Variants in LMO3 observed in about 807,000 individuals in gnomAD.
LMO3 encodes LIM domain only 3, also known as LIM domain only protein 3.
Under a neutral mutation model 15.8 loss-of-function variants are expected in LMO3, and 2 were observed. The ratio of observed to expected loss-of-function variants is 0.13; its 90% confidence interval spans 0.05 to 0.40. The LOEUF is 0.40. LMO3 is among the 10% of genes least tolerant of loss of function. The pLI is 0.99. For missense variants in LMO3, 86 were observed against 182.2 expected, an observed-to-expected ratio of 0.47 and a Z score of 3.04; for synonymous variants, 62 against 63.8, an observed-to-expected ratio of 0.97 and a Z score of 0.13.
chr12:16,553,018 G>C (rs1407407419), intron 3 of LMO3, among the ~76,000 whole-genome samples: 1 of 152,072 alleles, frequency 6.6e-6, no homozygotes, highest in Admixed American at 6.5e-5. Flanking sequence ...TTGTAGGCTT[G>C]TGGCAAGGAG....
Position 16,586,302 on chromosome 12 carries a change from G to A in LMO3, c.206+14353C>T, listed in dbSNP as rs558344476. Among the ~76,000 whole-genome samples the A allele has an allele frequency of 1.3e-5, 2 of 152,258 alleles. No homozygotes were observed. Among genetic ancestry groups the A allele is most frequent in the South Asian group, 2.1e-4 (1 of 4,824 alleles). On this transcript the variant is annotated intron_variant, in intron 2 of 3. Transcript: ENST00000537304. The surrounding 1 kb of genome is among the most constrained non-coding windows in gnomAD (Gnocchi z 4.3). The stretch of plus-strand genomic sequence containing the variant: ...ACAGAGTGTTAAGATGTCATGATAC[G>A]ATGAAGTCCACATACGGAACAACTA...
rs911367416 is a variant in LMO3, at chr12:16,585,211, T to C, written c.206+15444A>G. 2.0e-5 allele frequency among the ~76,000 whole-genome samples: 3 copies of C among 152,222 alleles called. No homozygotes were observed. The highest frequency in any genetic ancestry group is 2.0e-4 in the Admixed American group (3 of 15,278). On this transcript the variant is annotated intron_variant, in intron 2 of 3. Transcript: ENST00000537304. The surrounding 1 kb of genome is among the most constrained non-coding windows in gnomAD (Gnocchi z 4.7). ...TCCGGAACCTGGAGGCAATTGAGTT[T>C]GTAATTCCCGTCTTAGCCCTTGGCA... is the stretch of plus-strand genomic sequence containing the variant.
At chr12:16,600,945 T>A in intron 1 of LMO3, 77 bp from the exon 2 acceptor site, 1 of 1,030,966 alleles carries the variant, frequency 9.7e-7, no homozygotes, top group Non-Finnish European at 1.4e-6. Context: ...GTTAAATATT[T>A]AATATTTCCT....
chr12:16,594,407 AC>A, intron 2 of LMO3: 1 of 619,230 alleles, frequency 1.6e-6, no homozygotes, highest in Non-Finnish European at 2.5e-6. Flanking sequence ...TTATAAAAAT[AC>A]CTAGCAAATT....
intron 3 of LMO3, among the ~76,000 whole-genome samples, chr12:16,552,836 G>A (rs1942041571): frequency 6.6e-6 from 1 of 152,020 alleles, no homozygotes; most frequent in Admixed American, 6.6e-5. Context: ...TACTTTAAAT[G>A]TTGCACTTCA....
At position 16,582,684 on chromosome 12, in the gene LMO3, C is replaced by G. The variant is rs1234606534; in HGVS notation, c.206+17971G>C. ...CCTAGGAAAAATAAGTATACCACAA[C>G]AAGATCACCGTTCCTAGGTACGGTC... On this transcript the variant is annotated intron_variant, in intron 2 of 3. Transcript: ENST00000537304. The surrounding 1 kb of genome is among the most constrained non-coding windows in gnomAD (Gnocchi z 4.1). 6.6e-6 allele frequency among the ~76,000 whole-genome samples: 1 copy of G among 152,138 alleles called. No individual in the cohort carries two copies. The highest frequency in any genetic ancestry group is 6.6e-5 in the Admixed American group (1 of 15,264).
intron 2 of LMO3, among the ~76,000 whole-genome samples, chr12:16,562,205 A>T (rs1942431590): frequency 6.6e-6 from 1 of 152,162 alleles, no homozygotes; most frequent in South Asian, 2.1e-4. Flanking sequence ...GTTCATTCTA[A>T]CATTTCATAT....
chr12:16,580,091 A>G lies in LMO3; in HGVS notation c.207-19553T>C, dbSNP rs183657223. Among the ~76,000 whole-genome samples, 9 of 152,330 alleles carry G rather than the reference A, an allele frequency of 5.9e-5. No homozygotes were observed. The East Asian group carries it at 1.7e-3, about 29-fold the overall frequency. ...ATTTCCTGATATTATACAATATGAT[A>G]TCATTTATCATGTATTCTAAAACAA... On this transcript the variant is annotated intron_variant, in intron 2 of 3. Coordinates refer to ENST00000537304, the MANE Select transcript of LMO3 (RefSeq NM_018640.5).
chr12:16,576,485 T>G lies in LMO3; in HGVS notation c.207-15947A>C, dbSNP rs1311573876. ...CAAATGTCAATGGATCTATGAAGCC[T>G]CTCTGATTTCCTTGAGGCAGAATAA... On this transcript the variant is annotated intron_variant, in intron 2 of 3. Coordinates refer to ENST00000537304, the MANE Select transcript of LMO3 (RefSeq NM_018640.5). The surrounding 1 kb of genome is among the most constrained non-coding windows in gnomAD (Gnocchi z 4.1). 6.6e-6 allele frequency among the ~76,000 whole-genome samples: 1 copy of G among 152,206 alleles called. No homozygotes were observed. The highest frequency in any genetic ancestry group is 1.5e-5 in the Non-Finnish European group (1 of 68,038).
At chr12:16,600,011 G>A (rs1404937364) in intron 2 of LMO3, 1 of 151,924 alleles carries the variant, frequency 6.6e-6, no homozygotes, top group Non-Finnish European at 1.5e-5. Context: ...AGAGGAAGAT[G>A]TATCTACACT....
In LMO3 at chr12:16,598,503, G is replaced by A. The variant is rs1185736425; in HGVS notation, c.206+2152C>T. 6.6e-6 allele frequency: 1 copy of A among 151,992 alleles called. No individual in the cohort carries two copies. The highest frequency in any genetic ancestry group is 1.5e-5 in the Non-Finnish European group (1 of 67,952). The allele number at this position is 151,992 out of a possible 1,614,324, so 9.4% of individuals were successfully genotyped here. A position where few individuals can be genotyped will look rare whatever the true frequency, so the allele number is the denominator to read the frequency against. ...ATGAATATATTGGCAATCAGGACCA[G>A]GGTTTATATTTGAAAGAATATTATA... On this transcript the variant is annotated intron_variant, in intron 2 of 3. Transcript: ENST00000537304. This position sits in a 1 kb window ranked among gnomAD's most constrained non-coding sequence, Gnocchi z 4.3.
rs908566512 is a variant in LMO3 at position 16,584,586 on chromosome 12, G to A, written c.206+16069C>T. Among the ~76,000 whole-genome samples the A allele has an allele frequency of 7.3e-6, 1 of 136,382 alleles. No individual in the cohort carries two copies. The highest frequency in any genetic ancestry group is 2.0e-4 in the East Asian group (1 of 5,038). The allele number at this position is 136,382 out of a possible 152,430, so 89.5% of individuals were successfully genotyped here. A position where few individuals can be genotyped will look rare whatever the true frequency, so the allele number is the denominator to read the frequency against. On this transcript the variant is annotated intron_variant, in intron 2 of 3. Coordinates refer to ENST00000537304, the MANE Select transcript of LMO3 (RefSeq NM_018640.5). This position sits in a 1 kb window ranked among gnomAD's most constrained non-coding sequence, Gnocchi z 5.2. ...GATTAACATTGGCAAGTGGAGGAGT[G>A]GGGGGGGTAAGAGGCCTGTTTAGAG...
chr12:16,609,754 C>T (rs528178444), upstream of LMO3: 1 of 151,656 alleles, frequency 6.6e-6, no homozygotes, highest in South Asian at 2.1e-4. Context: ...AGGAGATCTC[C>T]CACAAGAAAA....
At position 16,576,188 on chromosome 12, in the gene LMO3, A is replaced by G. The variant is rs376441107; in HGVS notation, c.207-15650T>C. On this transcript the variant is annotated intron_variant, in intron 2 of 3. Transcript: ENST00000537304. This position sits in a 1 kb window ranked among gnomAD's most constrained non-coding sequence, Gnocchi z 4.1. ...CCACTCTGCAGCCGGTAGCCTTTCT[A>G]TAACACAGCTCCAACCCATTGATCC... Among the ~76,000 whole-genome samples the G allele has an allele frequency of 6.6e-6, 1 of 152,248 alleles. No individual in the cohort carries two copies. Among genetic ancestry groups the G allele is most frequent in the East Asian group, 1.9e-4 (1 of 5,176 alleles).
chr12:16,571,105 C>T (rs867981078), intron 2 of LMO3, among the ~76,000 whole-genome samples: 11 of 152,118 alleles, frequency 7.2e-5, no homozygotes, highest in African/African-American at 2.4e-4. Context: ...TATCTTACCT[C>T]GTTGAAGAAA....
chr12:16,608,075 C>T (rs184622866), upstream of LMO3: 391 of 152,772 alleles, frequency 2.6e-3, 4 homozygotes, highest in African/African-American at 9.2e-3. This position sits in a 1 kb window ranked among gnomAD's most constrained non-coding sequence, Gnocchi z 4.1. Context: ...ATCCGCACAG[C>T]TCCCCACTGT....
chr12:16,604,346 C>T lies in LMO3; in HGVS notation c.-9+1720G>A, dbSNP rs182071837. Among the ~76,000 whole-genome samples the T allele has an allele frequency of 1.3e-5, 2 of 152,234 alleles. No homozygotes were observed. The highest frequency in any genetic ancestry group is 4.8e-5 in the African/African-American group (2 of 41,570). ...CCCCTTCAACTCCCAGCCCCCTTCCCTATCCTTCACCCCCCTCCCCTTTTT... is the reference window on the plus strand; with the variant it reads ...CCCCTTCAACTCCCAGCCCCCTTCCTTATCCTTCACCCCCCTCCCCTTTTT... On this transcript the variant is annotated intron_variant, in intron 1 of 3. Transcript: ENST00000537304. This position sits in a 1 kb window ranked among gnomAD's most constrained non-coding sequence, Gnocchi z 5.3.
chr12:16,564,895 C>T (rs909608242), intron 2 of LMO3, among the ~76,000 whole-genome samples: 3 of 152,122 alleles, frequency 2.0e-5, no homozygotes, highest in South Asian at 2.1e-4. Flanking sequence ...AAGTGATCTT[C>T]GTGCCTCAGC....
intron 2 of LMO3, among the ~76,000 whole-genome samples, chr12:16,561,670 A>G (rs1049369678): frequency 2.0e-5 from 3 of 152,224 alleles, no homozygotes; most frequent in Non-Finnish European, 4.4e-5. Context: ...GACTCCAAAG[A>G]GAAGTCTTTT....
Sources: allele counts gnomAD v4.1 joint callset (sites outside exome capture counted in the v4.1 genomes callset), GRCh38; gene constraint gnomAD v4.1.1; non-coding constraint Gnocchi (gnomAD v3.1); transcripts MANE v1.5; gene names NCBI Gene and HGNC (gene_info 2026-07-23, HGNC 2026-07-21).